ZNF766: variants seen among roughly 807,000 people sequenced by gnomAD.
ZNF766 encodes zinc finger protein 766.
In ZNF766, 13 loss-of-function variants were observed where a neutral mutation model predicts 13.2. The observed-to-expected ratio is 0.98, with a 90% CI of 0.64 to 1.56. The LOEUF (loss-of-function observed/expected upper bound fraction) is 1.56. Among genes scored for constraint, ZNF766 ranks in the 40% most tolerant of loss-of-function variants. The pLI is 0.00. For synonymous variants in ZNF766, 178 were observed against 187.6 expected, an observed-to-expected ratio of 0.95 and a Z score of 0.42; for missense variants, 521 against 552.2, an observed-to-expected ratio of 0.94 and a Z score of 0.57.
rs538213733 is a variant in ZNF766 at position 52,271,771 on chromosome 19, C to T, written c.18+2140C>T. 1.8e-4 allele frequency among the ~76,000 whole-genome samples: 28 copies of T among 152,222 alleles called. No homozygotes were observed. The South Asian group carries it at 5.0e-3, about 27-fold the overall frequency. ...GGCCAGGAGTTCCAGACCAGCCTGG[C>T]CAGCACGGTGAAACCCCATGTCTAC... On this transcript the variant is annotated intron_variant, in intron 1 of 3. Transcript: ENST00000439461.
rs149545070 is a variant in ZNF766, at chr19:52,288,310, C to T, written c.275-1756C>T. Among the ~76,000 whole-genome samples, 137 of 152,138 alleles carry T rather than the reference C, an allele frequency of 9.0e-4. 1 individual carries two copies. Among genetic ancestry groups the T allele is most frequent in the African/African-American group, 3.1e-3 (128 of 41,514 alleles). Reference sequence around the variant, plus strand: ...TGCTGGGATTACAGGTGTAAGCCACCGTGCCTGGTCGTGTTCATTTTTTTC... The same window carrying T: ...TGCTGGGATTACAGGTGTAAGCCACTGTGCCTGGTCGTGTTCATTTTTTTC... On this transcript the variant is annotated intron_variant, in intron 3 of 3. Coordinates refer to ENST00000439461, the MANE Select transcript of ZNF766 (RefSeq NM_001010851.3).
intron 3 of ZNF766, among the ~76,000 whole-genome samples, chr19:52,284,494 A>G (rs770720983): frequency 6.6e-6 from 1 of 152,136 alleles, no homozygotes; most frequent in African/African-American, 2.4e-5. Context: ...CTCACATGCT[A>G]CTTGGCACAG....
rs375190606 is a variant in ZNF766, at chr19:52,277,718, G to A, written c.19-4393G>A. 7.9e-5 allele frequency among the ~76,000 whole-genome samples: 12 copies of A among 152,184 alleles called. No homozygotes were observed. The East Asian group carries it at 2.1e-3, about 27-fold the overall frequency. ...CTTAGATTCCATCTCTTGTGACCCAGTGACATGAACTTGGGAAGAGGCTGC... is the reference window on the plus strand; with the variant it reads ...CTTAGATTCCATCTCTTGTGACCCAATGACATGAACTTGGGAAGAGGCTGC... On this transcript the variant is annotated intron_variant, in intron 1 of 3. Transcript: ENST00000439461.
At chr19:52,282,346 G>A (rs1023458916) in intron 2 of ZNF766, 109 bp downstream of exon 2, 1 of 1,370,418 alleles carries the variant, frequency 7.3e-7, no homozygotes, top group Non-Finnish European at 9.7e-7. Flanking sequence ...TTGAAACCCT[G>A]TTGACTTGGC....
At position 52,275,676 on chromosome 19, in the gene ZNF766, C is replaced by CT. The variant is rs201395857; in HGVS notation, c.18+6062dup. ...CATATGACTACTATATTTTTTCTTT[C>CT]TTTTTTTTTTTTTTTTTGAGACAGA... On this transcript the variant is annotated intron_variant, in intron 1 of 3. Transcript: ENST00000439461. The CT allele has an allele frequency of 8.7e-3, 1,184 of 136,350 alleles. 12 individuals are homozygous for CT. Among genetic ancestry groups the CT allele is most frequent in the East Asian group, 0.06 (282 of 4,698 alleles). The allele number at this position is 136,350 out of a possible 1,614,324, so 8.4% of individuals were successfully genotyped here.
chr19:52,288,554 T>C (rs1400884183), intron 3 of ZNF766, among the ~76,000 whole-genome samples: 1 of 151,732 alleles, frequency 6.6e-6, no homozygotes, highest in Non-Finnish European at 1.5e-5. Context: ...ATTTATTTTA[T>C]TTTATTTATT....
intron 3 of ZNF766, among the ~76,000 whole-genome samples, chr19:52,286,188 T>TCCCCCCCCCCCCCCCCCC (rs71254004): frequency 6.8e-6 from 1 of 146,566 alleles, no homozygotes; most frequent in African/African-American, 2.7e-5. Flanking sequence ...AGTGGGCTTT[T>TCCCCCCCCCCCCCCCCCC]CCCCCCTAAT....
At chr19:52,281,157 A>T (rs1337440051) in intron 1 of ZNF766, among the ~76,000 whole-genome samples, 3 of 151,622 alleles carry the variant, frequency 2.0e-5, no homozygotes, top group Admixed American at 6.6e-5. Flanking sequence ...CTCCATCTAA[A>T]AAAAAAAAAA....
Position 52,278,686 on chromosome 19 carries a change from T to C in ZNF766, c.19-3425T>C, listed in dbSNP as rs555085603. Among the ~76,000 whole-genome samples the C allele has an allele frequency of 3.8e-4, 58 of 152,354 alleles. 1 individual carries two copies. The South Asian group carries it at 0.011, about 29-fold the overall frequency. ...TCCCAAAGTGCTGGGATTATAGGCATGAGCCACCGCACCTGGCCCTTTGCC... is the reference window on the plus strand; with the variant it reads ...TCCCAAAGTGCTGGGATTATAGGCACGAGCCACCGCACCTGGCCCTTTGCC... On this transcript the variant is annotated intron_variant, in intron 1 of 3. Coordinates refer to ENST00000439461, the MANE Select transcript of ZNF766 (RefSeq NM_001010851.3).
Position 52,278,768 on chromosome 19 carries a change from ATAT to A in ZNF766, c.19-3340_19-3338del, listed in dbSNP as rs571452123. 4.1e-3 allele frequency among the ~76,000 whole-genome samples: 629 copies of A among 152,290 alleles called. 8 individuals are homozygous for A. Among genetic ancestry groups the A allele is most frequent in the African/African-American group, 0.014 (597 of 41,540 alleles). ...TGCTTAAGTTCCTTGTAGATGCTGG[ATAT>A]TAGACCTTTGTTAGATGCATAGTTC... On this transcript the variant is annotated intron_variant, in intron 1 of 3. Transcript: ENST00000439461.
intron 1 of ZNF766, among the ~76,000 whole-genome samples, chr19:52,270,489 C>T (rs976392306): frequency 6.6e-6 from 1 of 151,966 alleles, no homozygotes; most frequent in Non-Finnish European, 1.5e-5. Context: ...AAGCGGGAGG[C>T]TCCTCAGACA....
At chr19:52,281,208 C>T (rs1981497244) in intron 1 of ZNF766, among the ~76,000 whole-genome samples, 1 of 151,670 alleles carries the variant, frequency 6.6e-6, no homozygotes, top group East Asian at 2.0e-4. Context: ...AAATACTTGC[C>T]ATGACCTTAT....
chr19:52,288,075 C>T, intron 3 of ZNF766: 2 of 396,238 alleles, frequency 5.0e-6, no homozygotes, highest in Non-Finnish European at 9.6e-6. Flanking sequence ...GGCTGGAGTA[C>T]AGTGGTGTGA....
At chr19:52,286,188 T>TCCCCCCCCCCCCCCC (rs71254004) in intron 3 of ZNF766, among the ~76,000 whole-genome samples, 2 of 146,564 alleles carry the variant, frequency 1.4e-5, no homozygotes, top group African/African-American at 5.4e-5. Flanking sequence ...AGTGGGCTTT[T>TCCCCCCCCCCCCCCC]CCCCCCTAAT....
chr19:52,290,812 A>G lies in ZNF766; in HGVS notation c.1021A>G (p.Ser341Gly), dbSNP rs770959537. 6.2e-7 allele frequency: 1 copy of G among 1,613,922 alleles called. No individual in the cohort carries two copies. The highest frequency in any genetic ancestry group is 2.2e-5 in the East Asian group (1 of 44,876). Residue 341 changes from serine (S) to glycine (G), a missense_variant, in exon 4 of 4, where the codon AGC becomes GGC. Coordinates refer to ENST00000439461, the MANE Select transcript of ZNF766 (RefSeq NM_001010851.3). ...TGGCAAAGAATTTAGTGGGCATTCA[A>G]GCCTCACCACCCATCTGTTAATCCA... ...KCGKEFSGHS[S>G]LTTHLLIHTG... is the part of the protein sequence containing the mutation.
Position 52,292,277 on chromosome 19 carries a change from T to C in ZNF766, c.*1079T>C, listed in dbSNP as rs1982185096. ...TTTTCAGATTAAAGATTGTCTGATT[T>C]AGAGACCATGGAGGTGGACAGAGAA... On this transcript the variant is annotated 3_prime_UTR_variant, in exon 4 of 4. Coordinates refer to ENST00000439461, the MANE Select transcript of ZNF766 (RefSeq NM_001010851.3). 7.3e-6 allele frequency: 5 copies of C among 685,780 alleles called. No individual in the cohort carries two copies. The highest frequency in any genetic ancestry group is 6.5e-5 in the Admixed American group (3 of 45,890). 42.5% of individuals were successfully genotyped at this position (685,780 alleles called of 1,614,324 possible).
chr19:52,276,930 G>A (rs1171023783), intron 1 of ZNF766, among the ~76,000 whole-genome samples: 1 of 152,092 alleles, frequency 6.6e-6, no homozygotes, highest in Non-Finnish European at 1.5e-5. Context: ...CACTGCTGCA[G>A]TGTGTGTGTG....
chr19:52,282,027 C>G, intron 1 of ZNF766, 84 bp from the exon 2 acceptor site: 8 of 1,511,842 alleles, frequency 5.3e-6, no homozygotes, highest in Non-Finnish European at 7.2e-6. Flanking sequence ...TCAGTTGAGT[C>G]AGTCCTTACA....
intron 1 of ZNF766, 36 bp from the exon 2 acceptor site, chr19:52,282,075 C>T (rs1176532652): frequency 1.9e-6 from 3 of 1,583,590 alleles, no homozygotes; most frequent in Admixed American, 1.7e-5. Context: ...ATTACTCTCT[C>T]CTTACCCTGT....
Sources: gnomAD v4.1 joint callset for allele counts (sites outside exome capture counted in the v4.1 genomes callset) on GRCh38, gnomAD v4.1.1 for gene constraint, MANE v1.5 for transcripts, NCBI Gene and HGNC (gene_info 2026-07-23, HGNC 2026-07-21) for gene names.